MEST: variants seen among roughly 807,000 people sequenced by gnomAD.
The protein encoded by MEST is mesoderm-specific transcript homolog protein.
MEST carries 18 observed loss-of-function variants against 50.9 expected under a neutral mutation model. The ratio of observed to expected loss-of-function variants is 0.35; its 90% CI spans 0.24 to 0.52. MEST has a LOEUF of 0.52. Ranked by LOEUF, MEST falls within the 20% of genes least tolerant of loss-of-function variation. MEST has a pLI of 0.94. For missense variants in MEST, 282 were observed against 425.3 expected (o/e 0.66, Z 2.96); for synonymous variants, 130 against 154.1 (o/e 0.84, Z 1.16).
At position 130,495,374 on chromosome 7, in the gene MEST, G is replaced by C; in HGVS notation, c.33G>C (p.Arg11Ser). 1 of 1,609,194 alleles carries C rather than the reference G, an allele frequency of 6.2e-7. No individual in the cohort carries two copies. ...GTCTCTGCTTTTCCTACAGGATGAG[G>C]GAGTGGTGGGTCCAGGTGGGGCTGC... MVRRDRLRRM[R>S]EWWVQVGLLA... The change falls in exon 2 of 12, where the codon AGG (arginine) becomes AGC (serine). Residue 11 changes from arginine (R) to serine (S), a missense_variant. Coordinates refer to ENST00000223215, the MANE Select transcript of MEST (RefSeq NM_002402.4).
intron 2 of MEST, chr7:130,496,115 T>C (rs1554436891): frequency 4.2e-6 from 2 of 471,564 alleles, no homozygotes; most frequent in Middle Eastern, 3.3e-4. Flanking sequence ...ATGATTTGTT[T>C]TGAGCGGGGG....
rs1799089081 is a variant in MEST, at chr7:130,497,072, G to A, written c.182-84G>A. ...ATTTGGTCACAGTTGCTTGTTCTTT[G>A]TATCAGATTACTTAGATTTTAACAT... On this transcript the variant is annotated intron_variant, in intron 2 of 11. Coordinates refer to ENST00000223215, the MANE Select transcript of MEST (RefSeq NM_002402.4). This position sits in a 1 kb window ranked among gnomAD's most constrained non-coding sequence, Gnocchi z 4.0. 2 of 1,095,406 alleles carry A rather than the reference G, an allele frequency of 1.8e-6. No individual in the cohort carries two copies. The highest frequency in any genetic ancestry group is 2.6e-5 in the East Asian group (1 of 38,690). The allele number at this position is 1,095,406 out of a possible 1,614,324, so 67.9% of individuals were successfully genotyped here.
In MEST at chr7:130,500,462, C is replaced by A. The variant is rs1465682023; in HGVS notation, c.577C>A (p.Leu193Ile). 7 of 1,613,310 alleles carry A rather than the reference C, an allele frequency of 4.3e-6. No homozygotes were observed. Among genetic ancestry groups the A allele is most frequent in the African/African-American group, 1.3e-5 (1 of 74,904 alleles). ...TTTACCTCCACTTATTCCCCTCCAGCTACTCAAAGATGGAGGTGTGCTGTC... is the reference window on the plus strand; with the variant it reads ...TTTACCTCCACTTATTCCCCTCCAGATACTCAAAGATGGAGGTGTGCTGTC... ...ETHRPLLLQK[L>I]LKDGGVLSPI... Residue 193 changes from leucine (L) to isoleucine (I), a missense_variant and splice_region_variant, in exon 8 of 12, where the codon CTA (leucine) becomes ATA (isoleucine). Transcript: ENST00000223215. The surrounding 1 kb of genome is among the most constrained non-coding windows in gnomAD (Gnocchi z 5.0).
In MEST at chr7:130,492,204, C is replaced by G. The variant is rs1798846907; in HGVS notation, c.-110C>G. The G allele has an allele frequency of 1.0e-6, 1 of 953,712 alleles. No individual in the cohort carries two copies. The highest frequency in any genetic ancestry group is 1.7e-5 in the African/African-American group (1 of 58,014). 59.1% of individuals were successfully genotyped at this position (953,712 alleles called of 1,614,324 possible). A position where few individuals can be genotyped will look rare whatever the true frequency, so the allele number is the denominator to read the frequency against. Reference sequence around the variant, plus strand: ...CCGGCGCGGCGCCGCCCTGCGCGGGCTGTGGGCTGCGGGCTGCGCCCCCGC... The same window carrying G: ...CCGGCGCGGCGCCGCCCTGCGCGGGGTGTGGGCTGCGGGCTGCGCCCCCGC... On this transcript the variant is annotated 5_prime_UTR_variant, in exon 1 of 12. Coordinates refer to ENST00000223215, the MANE Select transcript of MEST (RefSeq NM_002402.4). The surrounding 1 kb of genome is among the most constrained non-coding windows in gnomAD (Gnocchi z 7.6).
intron 9 of MEST, chr7:130,501,115 T>C (rs1432403283): frequency 2.4e-6 from 1 of 417,798 alleles, no homozygotes; most frequent in Non-Finnish European, 4.2e-6. Flanking sequence ...ATCATGGTTG[T>C]GAAAGTAGCC....
Position 130,497,697 on chromosome 7 carries a change from A to T in MEST, c.262-239A>T. The T allele has an allele frequency of 1.8e-6, 1 of 557,986 alleles. No homozygotes were observed. Among genetic ancestry groups the T allele is most frequent in the Non-Finnish European group, 3.2e-6 (1 of 312,314 alleles). The allele number at this position is 557,986 out of a possible 1,614,324, so 34.6% of individuals were successfully genotyped here. The stretch of plus-strand genomic sequence containing the variant: ...TCCTTATTTACTGAAGGGAATAAAC[A>T]ACTCCTTGGCACTCTGGAAGGGATC... On this transcript the variant is annotated intron_variant, in intron 3 of 11. Transcript: ENST00000223215. This position sits in a 1 kb window ranked among gnomAD's most constrained non-coding sequence, Gnocchi z 4.0.
chr7:130,498,601 A>G, intron 6 of MEST, 124 bp downstream of exon 6: 1 of 877,742 alleles, frequency 1.1e-6, no homozygotes, highest in East Asian at 2.6e-5. Context: ...TGGGATCTCT[A>G]CCTCTTCTGT....
rs1799435956 is a variant in MEST, at chr7:130,505,251, A to C, written c.*195A>C. 2 of 507,584 alleles carry C rather than the reference A, an allele frequency of 3.9e-6. No homozygotes were observed. The highest frequency in any genetic ancestry group is 5.9e-5 in the Admixed American group (2 of 34,018). 31.4% of individuals were successfully genotyped at this position (507,584 alleles called of 1,614,324 possible). On this transcript the variant is annotated 3_prime_UTR_variant, in exon 12 of 12. Coordinates refer to ENST00000223215, the MANE Select transcript of MEST (RefSeq NM_002402.4). ...CTGACTAAGGTTGACATAATAGTCCACCTCCCATTACTTTGATATCTGATC... is the reference window on the plus strand; with the variant it reads ...CTGACTAAGGTTGACATAATAGTCCCCCTCCCATTACTTTGATATCTGATC...
At chr7:130,486,939 G>A (rs10229325) in intron 1 of MEST, 118,902 of 153,346 alleles carry the variant, frequency 0.78, 46,638 homozygotes, top group Non-Finnish European at 0.85. Context: ...TCACCAGGGC[G>A]GAGAGCGGCA....
intron 2 of MEST, chr7:130,496,369 G>C (rs2116259144): frequency 1.2e-5 from 4 of 335,202 alleles, no homozygotes; most frequent in South Asian, 9.2e-5. Flanking sequence ...TATTTGCACA[G>C]ATTCTCAAGA....
At chr7:130,490,680 C>G (rs200301182), upstream of MEST, among the ~76,000 whole-genome samples, 1 of 152,334 alleles carries the variant, frequency 6.6e-6, no homozygotes. Flanking sequence ...AGTGGCAGTT[C>G]TTGTCTGTCT....
chr7:130,492,290 C>T lies in MEST; in HGVS notation c.-24C>T. 3 of 1,348,322 alleles carry T rather than the reference C, an allele frequency of 2.2e-6. No individual in the cohort carries two copies. The highest frequency in any genetic ancestry group is 6.0e-5 in the East Asian group (2 of 33,120). 83.5% of individuals were successfully genotyped at this position (1,348,322 alleles called of 1,614,324 possible). ...CGCCCGGTGCTCTGCAACGCTGCGG[C>T]GGGCGGCATGGGATAACGCGGCCAT... On this transcript the variant is annotated 5_prime_UTR_variant, in exon 1 of 12. Transcript: ENST00000223215. This position sits in a 1 kb window ranked among gnomAD's most constrained non-coding sequence, Gnocchi z 7.6.
chr7:130,490,743 A>G (rs1554434929), upstream of MEST: 1 of 152,044 alleles, frequency 6.6e-6, no homozygotes, highest in African/African-American at 2.4e-5. Flanking sequence ...TTTCTCATTT[A>G]TTTCGCACCC....
Position 130,500,971 on chromosome 7 carries a change from C to T in MEST, c.749+81C>T, listed in dbSNP as rs546650770. The stretch of plus-strand genomic sequence containing the variant: ...GATTGCTTGTTCTGTTCCTTGCTGG[C>T]TTATTCCCTATCACAGGAAGGCTGA... On this transcript the variant is annotated intron_variant, in intron 9 of 11. Coordinates refer to ENST00000223215, the MANE Select transcript of MEST (RefSeq NM_002402.4). The surrounding 1 kb of genome is among the most constrained non-coding windows in gnomAD (Gnocchi z 5.0). 9.8e-6 allele frequency: 12 copies of T among 1,223,276 alleles called. No individual in the cohort carries two copies. The South Asian group carries it at 1.5e-4, about 16-fold the overall frequency. 75.8% of individuals were successfully genotyped at this position (1,223,276 alleles called of 1,614,324 possible).
chr7:130,497,845 C>A lies in MEST; in HGVS notation c.262-91C>A. On this transcript the variant is annotated intron_variant, in intron 3 of 11. Transcript: ENST00000223215. The surrounding 1 kb of genome is among the most constrained non-coding windows in gnomAD (Gnocchi z 4.0). ...TTCTCTTTATGGAAGTCTGTTAAGCCAAGATAGGGCTGAAGCTCCTGTGCA... is the reference window on the plus strand; with the variant it reads ...TTCTCTTTATGGAAGTCTGTTAAGCAAAGATAGGGCTGAAGCTCCTGTGCA... The A allele has an allele frequency of 1.7e-6, 2 of 1,168,252 alleles. No homozygotes were observed. Among genetic ancestry groups the A allele is most frequent in the Non-Finnish European group, 2.6e-6 (2 of 775,648 alleles). The allele number at this position is 1,168,252 out of a possible 1,614,324, so 72.4% of individuals were successfully genotyped here.
In MEST at chr7:130,497,808, T is replaced by C. The variant is rs1554437423; in HGVS notation, c.262-128T>C. 7.6e-6 allele frequency: 6 copies of C among 789,032 alleles called. No homozygotes were observed. Among genetic ancestry groups the C allele is most frequent in the African/African-American group, 5.1e-5 (3 of 58,380 alleles). 48.9% of individuals were successfully genotyped at this position (789,032 alleles called of 1,614,324 possible). A position where few individuals can be genotyped will look rare whatever the true frequency, so the allele number is the denominator to read the frequency against. Reference sequence around the variant, plus strand: ...GGATCATCTGTGGGACCTGTGGTAGTTTCATGGCGTTTTCTCTTTATGGAA... The same window carrying C: ...GGATCATCTGTGGGACCTGTGGTAGCTTCATGGCGTTTTCTCTTTATGGAA... On this transcript the variant is annotated intron_variant, in intron 3 of 11. Coordinates refer to ENST00000223215, the MANE Select transcript of MEST (RefSeq NM_002402.4). This position sits in a 1 kb window ranked among gnomAD's most constrained non-coding sequence, Gnocchi z 4.0.
chr7:130,503,873 G>A, intron 10 of MEST, 60 bp from the exon 11 acceptor site: 1 of 1,249,060 alleles, frequency 8.0e-7, no homozygotes, highest in South Asian at 1.2e-5. Context: ...GTTAATTTTA[G>A]GGTGGGAGTA....
intron 9 of MEST, 116 bp downstream of exon 9, chr7:130,501,006 A>G: frequency 3.7e-6 from 3 of 815,290 alleles, no homozygotes; most frequent in Middle Eastern, 2.4e-4. Context: ...ATGATGACCT[A>G]TGGGGCAAAC....
chr7:130,497,742 T>C lies in MEST; in HGVS notation c.262-194T>C. 1.6e-6 allele frequency: 1 copy of C among 606,492 alleles called. No homozygotes were observed. Among genetic ancestry groups the C allele is most frequent in the Admixed American group, 2.8e-5 (1 of 35,358 alleles). The allele number at this position is 606,492 out of a possible 1,614,324, so 37.6% of individuals were successfully genotyped here. Reference sequence around the variant, plus strand: ...GGGATCACTGCCAAGTTACCCTCCCTCAACAGGGATTAATTACCAGGAATA... The same window carrying C: ...GGGATCACTGCCAAGTTACCCTCCCCCAACAGGGATTAATTACCAGGAATA... On this transcript the variant is annotated intron_variant, in intron 3 of 11. Transcript: ENST00000223215. This position sits in a 1 kb window ranked among gnomAD's most constrained non-coding sequence, Gnocchi z 4.0.
Sources: allele counts gnomAD v4.1 joint callset (sites outside exome capture counted in the v4.1 genomes callset), GRCh38; gene constraint gnomAD v4.1.1; non-coding constraint Gnocchi (gnomAD v3.1); transcripts MANE v1.5; gene names NCBI Gene and HGNC (gene_info 2026-07-23, HGNC 2026-07-21).